Variants in PALM2AKAP2 observed in about 807,000 individuals in gnomAD.
PALM2AKAP2 encodes the protein PALM2-AKAP2 fusion protein.
PALM2AKAP2 carries 37 observed loss-of-function variants against 71.5 expected under a neutral mutation model. That is an observed-to-expected ratio of 0.52 (90% CI 0.40 to 0.68). The LOEUF (loss-of-function observed/expected upper bound fraction) is 0.68. PALM2AKAP2 is among the 30% of genes least tolerant of loss of function. The pLI is 0.00. For synonymous variants in PALM2AKAP2, 468 were observed against 478.8 expected, an observed-to-expected ratio of 0.98 and a Z score of 0.29; for missense variants, 1,224 against 1,191.8, an observed-to-expected ratio of 1.03 and a Z score of -0.40.
chr9:110,010,392 A>T (rs922231703), intron 6 of PALM2AKAP2, among the ~76,000 whole-genome samples: 1 of 150,340 alleles, frequency 6.7e-6, no homozygotes, highest in African/African-American at 2.4e-5. Flanking sequence ...AGTGCAGTAT[A>T]TAGAAGTATA....
chr9:109,735,593 T>A (rs979118143), intron 1 of PALM2AKAP2, among the ~76,000 whole-genome samples: 2 of 152,170 alleles, frequency 1.3e-5, no homozygotes, highest in Non-Finnish European at 2.9e-5. Context: ...AATCAAAAAA[T>A]GATTTTTTGG....
intron 3 of PALM2AKAP2, among the ~76,000 whole-genome samples, chr9:110,161,831 C>G (rs773399452): frequency 2.0e-5 from 3 of 151,892 alleles, no homozygotes; most frequent in Non-Finnish European, 4.4e-5. Flanking sequence ...AGTACAGAAA[C>G]TGAAAGCAAC....
At chr9:109,692,972 C>A (rs1372927807) in intron 1 of PALM2AKAP2, among the ~76,000 whole-genome samples, 1 of 151,626 alleles carries the variant, frequency 6.6e-6, no homozygotes, top group African/African-American at 2.4e-5. Flanking sequence ...TTTTGCTAAC[C>A]ATTTAATGGT....
chr9:110,118,799 C>T (rs1331585933), intron 1 of PALM2AKAP2, among the ~76,000 whole-genome samples: 5 of 152,260 alleles, frequency 3.3e-5, no homozygotes, highest in South Asian at 4.1e-4. Flanking sequence ...TCTCTGTGAT[C>T]GGTTTCTTAT....
chr9:109,915,981 T>C (rs1444249795), intron 3 of PALM2AKAP2, among the ~76,000 whole-genome samples: 1 of 152,028 alleles, frequency 6.6e-6, no homozygotes, highest in Non-Finnish European at 1.5e-5. Context: ...TCTTGCACTG[T>C]CGCCCAGGCT....
In PALM2AKAP2 at chr9:109,854,763, C is replaced by CTTTTTTT. The variant is rs34401582; in HGVS notation, c.46-12707_46-12701dup. Among the ~76,000 whole-genome samples the CTTTTTTT allele has an allele frequency of 6.5e-4, 43 of 66,182 alleles. 4 individuals carry two copies. Among genetic ancestry groups the CTTTTTTT allele is most frequent in the African/African-American group, 2.3e-3 (37 of 16,174 alleles). The allele number at this position is 66,182 out of a possible 152,430, so 43.4% of individuals were successfully genotyped here. ...GTAGTCAGTTTTTAAAAGAATGTAT[C>CTTTTTTT]TTTTTTTTTTTTTTTTTTTTTTTTT... is the stretch of plus-strand genomic sequence containing the variant. On this transcript the variant is annotated intron_variant, in intron 1 of 9. Coordinates refer to the PALM2AKAP2 transcript ENST00000302798.
intron 1 of PALM2AKAP2, among the ~76,000 whole-genome samples, chr9:109,825,483 C>G (rs886742946): frequency 1.3e-5 from 2 of 152,168 alleles, no homozygotes; most frequent in Admixed American, 6.5e-5. Context: ...GGGCTAATAT[C>G]CAGAATCTAC....
upstream of PALM2AKAP2, among the ~76,000 whole-genome samples, chr9:110,048,100 A>G (rs555327731): frequency 4.6e-5 from 7 of 152,270 alleles, no homozygotes; most frequent in South Asian, 2.1e-4. Context: ...TCTGAACCCC[A>G]TCGGGGGAGT....
intron 1 of PALM2AKAP2, among the ~76,000 whole-genome samples, chr9:109,695,342 G>T (rs1428580297): frequency 6.6e-6 from 1 of 152,116 alleles, no homozygotes; most frequent in African/African-American, 2.4e-5. Context: ...GGGTCATGTG[G>T]CAGTTCTATT....
At chr9:109,799,416 G>A (rs930780257) in intron 1 of PALM2AKAP2, among the ~76,000 whole-genome samples, 3 of 152,162 alleles carry the variant, frequency 2.0e-5, no homozygotes, top group Non-Finnish European at 4.4e-5. Flanking sequence ...CCTGACTGCC[G>A]GTCCCTGCCA....
chr9:109,766,034 G>A (rs1056556451), intron 1 of PALM2AKAP2, among the ~76,000 whole-genome samples: 9 of 152,210 alleles, frequency 5.9e-5, no homozygotes, highest in Non-Finnish European at 2.9e-5. Context: ...ATGTCCCAGG[G>A]AGGAGAGGCA....
At chr9:109,663,944 G>A (rs1023396625) in intron 1 of PALM2AKAP2, among the ~76,000 whole-genome samples, 4 of 152,032 alleles carry the variant, frequency 2.6e-5, no homozygotes, top group Non-Finnish European at 5.9e-5. Flanking sequence ...TTATGTAATG[G>A]CCTTCTTTGT....
intron 1 of PALM2AKAP2, among the ~76,000 whole-genome samples, chr9:109,733,552 G>A (rs539519992): frequency 7.9e-5 from 12 of 152,248 alleles, no homozygotes; most frequent in South Asian, 4.1e-4. Context: ...TCCTTACTTC[G>A]TTTTCAATCT....
intron 1 of PALM2AKAP2, among the ~76,000 whole-genome samples, chr9:109,858,493 G>A (rs1166620832): frequency 6.6e-6 from 1 of 152,088 alleles, no homozygotes; most frequent in East Asian, 1.9e-4. Flanking sequence ...GGGATCCAAG[G>A]CCCAGAAACA....
At chr9:110,159,179 G>T (rs1026367371) in intron 3 of PALM2AKAP2, among the ~76,000 whole-genome samples, 1 of 152,118 alleles carries the variant, frequency 6.6e-6, no homozygotes, top group Non-Finnish European at 1.5e-5. Context: ...TTACCTATCC[G>T]TAGAAGCATA....
chr9:110,017,084 T>C (rs1016770260), intron 7 of PALM2AKAP2, among the ~76,000 whole-genome samples: 1 of 152,210 alleles, frequency 6.6e-6, no homozygotes, highest in African/African-American at 2.4e-5. Flanking sequence ...TTTCACCGTG[T>C]TAGCCAGGAT....
intron 1 of PALM2AKAP2, among the ~76,000 whole-genome samples, chr9:109,733,155 A>G (rs561736637): frequency 1.3e-5 from 2 of 152,324 alleles, no homozygotes; most frequent in African/African-American, 4.8e-5. Context: ...AGGAAGAATG[A>G]GGAAACTAGA....
intron 1 of PALM2AKAP2, among the ~76,000 whole-genome samples, chr9:109,737,874 C>A (rs1828659927): frequency 6.6e-6 from 1 of 152,186 alleles, no homozygotes. Flanking sequence ...TTTATTCCAA[C>A]TGTGTTTTCT....
chr9:109,652,488 A>G (rs1396881890), intron 1 of PALM2AKAP2, among the ~76,000 whole-genome samples: 1 of 152,186 alleles, frequency 6.6e-6, no homozygotes, highest in Non-Finnish European at 1.5e-5. Context: ...TGCTTCTTGA[A>G]CAGTCTGCAG....
Sources: gnomAD v4.1 joint callset for allele counts (sites outside exome capture counted in the v4.1 genomes callset) on GRCh38, gnomAD v4.1.1 for gene constraint, MANE v1.5 for transcripts, NCBI Gene and HGNC (gene_info 2026-07-23, HGNC 2026-07-21) for gene names.